RNF228: variants seen among roughly 807,000 people sequenced by gnomAD.
The protein encoded by RNF228 is ring finger protein 228.
the RNF228 span, among the ~76,000 whole-genome samples, chr2:222,316,105 A>G: frequency 6.6e-6 from 1 of 152,354 alleles, no homozygotes; most frequent in Admixed American, 6.5e-5. Flanking sequence ...CTTACTTGCT[A>G]TTTCAACAAT....
the RNF228 span, among the ~76,000 whole-genome samples, chr2:222,316,517 G>T: frequency 6.6e-6 from 1 of 152,114 alleles, no homozygotes; most frequent in African/African-American, 2.4e-5. Context: ...AATCTTTTAG[G>T]TTACATTATT....
the RNF228 span, chr2:222,319,399 A>T: frequency 3.4e-6 from 1 of 290,890 alleles, no homozygotes; most frequent in East Asian, 5.1e-5. This position sits in a 1 kb window ranked among gnomAD's most constrained non-coding sequence, Gnocchi z 7.6. Context: ...CAGTTCTGGC[A>T]GCTGTCGTAG....
the RNF228 span, chr2:222,318,421 G>A: frequency 6.6e-6 from 1 of 152,282 alleles, no homozygotes; most frequent in Non-Finnish European, 1.5e-5. Flanking sequence ...TGCCGGCGGG[G>A]AGTGTCCGTC....
the RNF228 span, chr2:222,319,084 C>T: frequency 4.6e-3 from 831 of 181,504 alleles, 5 homozygotes; most frequent in African/African-American, 0.018. This position sits in a 1 kb window ranked among gnomAD's most constrained non-coding sequence, Gnocchi z 7.6. Flanking sequence ...GGGCCGCCGC[C>T]GCCGCCGCTG....
the RNF228 span, chr2:222,317,105 A>C: frequency 1.3e-5 from 2 of 152,196 alleles, no homozygotes; most frequent in Non-Finnish European, 2.9e-5. Flanking sequence ...GCACATTTCC[A>C]TGTGTGAGTT....
chr2:222,318,636 G>A, the RNF228 span: 7 of 152,510 alleles, frequency 4.6e-5, no homozygotes, highest in South Asian at 4.1e-4. Context: ...TTTCAGGCGG[G>A]GCGGTGGGGC....
the RNF228 span, among the ~76,000 whole-genome samples, chr2:222,319,895 C>T: frequency 1.3e-5 from 2 of 152,090 alleles, no homozygotes; most frequent in Admixed American, 1.3e-4. This position sits in a 1 kb window ranked among gnomAD's most constrained non-coding sequence, Gnocchi z 7.6. Flanking sequence ...AGATTTTGCA[C>T]TCGTAGTCCT....
At chr2:222,317,111 G>C in the RNF228 span, 1 of 152,166 alleles carries the variant, frequency 6.6e-6, no homozygotes, top group Non-Finnish European at 1.5e-5. Flanking sequence ...TTCCATGTGT[G>C]AGTTATTTCT....
chr2:222,316,684 A>G, the RNF228 span, among the ~76,000 whole-genome samples: 4 of 152,256 alleles, frequency 2.6e-5, no homozygotes, highest in Non-Finnish European at 5.9e-5. Flanking sequence ...AGTTGTTACC[A>G]GTATGCATAT....
At chr2:222,315,021 A>T in the RNF228 span, among the ~76,000 whole-genome samples, 1 of 152,140 alleles carries the variant, frequency 6.6e-6, no homozygotes, top group Non-Finnish European at 1.5e-5. Flanking sequence ...TAAAACAGTA[A>T]GAGTTCCACT....
chr2:222,318,773 C>T, the RNF228 span: 1 of 140,572 alleles, frequency 7.1e-6, no homozygotes, highest in Non-Finnish European at 1.6e-5. Flanking sequence ...CAAAAGAGAC[C>T]CCCCCCCCCC....
the RNF228 span, among the ~76,000 whole-genome samples, chr2:222,320,051 C>T: frequency 1.3e-5 from 2 of 152,134 alleles, no homozygotes; most frequent in African/African-American, 4.8e-5. Context: ...CGCTGTCGCT[C>T]GCCGGCGCTG....
At chr2:222,319,735 G>A in the RNF228 span, among the ~76,000 whole-genome samples, 1 of 145,890 alleles carries the variant, frequency 6.9e-6, no homozygotes, top group Admixed American at 6.8e-5. This position sits in a 1 kb window ranked among gnomAD's most constrained non-coding sequence, Gnocchi z 7.6. Flanking sequence ...CAGAGCCAGG[G>A]CGGCGGGCGC....
the RNF228 span, among the ~76,000 whole-genome samples, chr2:222,320,132 T>C: frequency 7.9e-5 from 12 of 151,760 alleles, no homozygotes; most frequent in African/African-American, 2.9e-4. Flanking sequence ...CCGCCTGGGC[T>C]CCGGGCGGGG....
At chr2:222,316,099 C>A in the RNF228 span, among the ~76,000 whole-genome samples, 1 of 152,222 alleles carries the variant, frequency 6.6e-6, no homozygotes, top group Non-Finnish European at 1.5e-5. Context: ...AGACAACTTA[C>A]TTGCTATTTC....
the RNF228 span, among the ~76,000 whole-genome samples, chr2:222,316,414 AC>A: frequency 6.6e-6 from 1 of 152,260 alleles, no homozygotes; most frequent in Non-Finnish European, 1.5e-5. Flanking sequence ...AATTTCAATT[AC>A]ATGAAATTTA....
chr2:222,316,237 C>A, the RNF228 span, among the ~76,000 whole-genome samples: 4 of 152,146 alleles, frequency 2.6e-5, no homozygotes, highest in African/African-American at 9.7e-5. Context: ...GCCAGATAAC[C>A]ACTAGAAACC....
At chr2:222,318,553 A>G in the RNF228 span, 38 of 152,266 alleles carry the variant, frequency 2.5e-4, no homozygotes, top group African/African-American at 8.4e-4. Context: ...CACAGCCGCC[A>G]CAGATGCACG....
chr2:222,314,744 A>G, the RNF228 span, among the ~76,000 whole-genome samples: 21 of 152,384 alleles, frequency 1.4e-4, no homozygotes, highest in African/African-American at 4.3e-4. Context: ...TAGCAATTCT[A>G]TGAATAACGA....
Sources: gnomAD v4.1 joint callset for allele counts (sites outside exome capture counted in the v4.1 genomes callset) on GRCh38, gnomAD v4.1.1 for gene constraint, Gnocchi (gnomAD v3.1) non-coding constraint, MANE v1.5 for transcripts, NCBI Gene and HGNC (gene_info 2026-07-23, HGNC 2026-07-21) for gene names.